The following SEZ6 variants were observed in gnomAD, a reference collection of about 807,000 sequenced individuals.
The protein encoded by SEZ6 is seizure protein 6 homolog.
Under a neutral mutation model 101.0 loss-of-function variants are expected in SEZ6, and 53 were observed. That is an observed-to-expected ratio of 0.52 (90% CI 0.42 to 0.66). The LOEUF is 0.66. SEZ6 is among the 30% of genes least tolerant of loss of function. SEZ6 has a pLI of 0.00. For synonymous variants in SEZ6, 488 were observed against 512.2 expected, an observed-to-expected ratio of 0.95 and a Z score of 0.64; for missense variants, 1,102 against 1,289.4, an observed-to-expected ratio of 0.85 and a Z score of 2.23.
intron 5 of SEZ6, among the ~76,000 whole-genome samples, chr17:28,963,400 A>G (rs1486684479): frequency 2.0e-5 from 3 of 151,962 alleles, no homozygotes; most frequent in Non-Finnish European, 4.4e-5. Context: ...CCCTTCTCAT[A>G]AGCTTCAACA....
At chr17:28,984,777 G>A (rs2041354844) in intron 1 of SEZ6, among the ~76,000 whole-genome samples, 1 of 152,228 alleles carries the variant, frequency 6.6e-6, no homozygotes, top group Admixed American at 6.5e-5. Context: ...TTGGAGGCCT[G>A]AGGCCCTGAG....
chr17:28,981,742 A>G lies in SEZ6; in HGVS notation c.353T>C (p.Val118Ala). 2 of 1,608,138 alleles carry G rather than the reference A, an allele frequency of 1.2e-6. No individual in the cohort carries two copies. Among genetic ancestry groups the G allele is most frequent in the Non-Finnish European group, 1.7e-6 (2 of 1,175,600 alleles). The change falls in exon 2 of 17, where the codon GTC becomes GCC. Residue 118 changes from valine (V) to alanine (A), a missense_variant. Physicochemically the swap from Val to Ala is moderately conservative, Grantham distance 64. Transcript: ENST00000317338. Reference sequence around the variant, plus strand: ...CATGGCTGGAGTGGGGCTGGTAAAGACAGGGCGGCTGTCCTGGTTGGCCAG... The same window carrying G: ...CATGGCTGGAGTGGGGCTGGTAAAGGCAGGGCGGCTGTCCTGGTTGGCCAG... ...PRLANQDSRP[V>A]FTSPTPAMAA...
Position 28,957,740 on chromosome 17 carries a change from T to C in SEZ6, c.2303-201A>G, listed in dbSNP as rs2152683080. On this transcript the variant is annotated intron_variant, in intron 11 of 16. Transcript: ENST00000317338. ...AGGTTCGATAAAAACTGATTGGCCA[T>C]CTACCAGGAATGAAATACTTAGAGT... is the stretch of plus-strand genomic sequence containing the variant. The C allele has an allele frequency of 3.6e-6, 3 of 841,012 alleles. No homozygotes were observed. The East Asian group carries it at 8.1e-5, about 23-fold the overall frequency. 52.1% of individuals were successfully genotyped at this position (841,012 alleles called of 1,614,324 possible).
intron 1 of SEZ6, among the ~76,000 whole-genome samples, chr17:28,983,581 T>C (rs1374125987): frequency 3.3e-5 from 5 of 151,998 alleles, no homozygotes; most frequent in Non-Finnish European, 5.9e-5. Context: ...ACCACATAGC[T>C]GGAGAGATGA....
chr17:28,974,812 G>A (rs139781290), intron 3 of SEZ6, among the ~76,000 whole-genome samples: 300 of 152,310 alleles, frequency 2.0e-3, no homozygotes, highest in Non-Finnish European at 3.5e-3. Flanking sequence ...GACAGGTACC[G>A]GTCTCCGCCT....
chr17:28,993,369 G>T (rs1329379336), intron 1 of SEZ6, among the ~76,000 whole-genome samples: 2 of 152,196 alleles, frequency 1.3e-5, no homozygotes, highest in African/African-American at 2.4e-5. Context: ...CAAGGTGGGG[G>T]TGTGGAGCAA....
chr17:28,994,849 A>G (rs1484131082), intron 1 of SEZ6, among the ~76,000 whole-genome samples: 1 of 150,044 alleles, frequency 6.7e-6, no homozygotes, highest in East Asian at 2.0e-4. Context: ...ATGGTGGGGG[A>G]CTGTGCTCTG....
In SEZ6 at chr17:28,959,009, G is replaced by A. The variant is rs777589451; in HGVS notation, c.2107+16C>T. 6.9e-6 allele frequency: 11 copies of A among 1,602,900 alleles called. No individual in the cohort carries two copies. The highest frequency in any genetic ancestry group is 8.5e-6 in the Non-Finnish European group (10 of 1,173,600). ...GCTTGCTGTCTGCACTCTGAGTGGGGTAGGGACAAGCTCACCAAAGAAGTG... is the reference window on the plus strand; with the variant it reads ...GCTTGCTGTCTGCACTCTGAGTGGGATAGGGACAAGCTCACCAAAGAAGTG... On this transcript the variant is annotated intron_variant, in intron 10 of 16. Transcript: ENST00000317338. This position sits in a 1 kb window ranked among gnomAD's most constrained non-coding sequence, Gnocchi z 4.4.
rs188057150 is a variant in SEZ6 at position 28,970,904 on chromosome 17, C to T, written c.859-952G>A. On this transcript the variant is annotated intron_variant, in intron 3 of 16. Coordinates refer to ENST00000317338, the MANE Select transcript of SEZ6 (RefSeq NM_178860.5). ...AGCTGGGCCTTACACCATGCCCCTCCGCATGTCAATCGTGATTCTCTCTTT... is the reference window on the plus strand; with the variant it reads ...AGCTGGGCCTTACACCATGCCCCTCTGCATGTCAATCGTGATTCTCTCTTT... 4.5e-4 allele frequency among the ~76,000 whole-genome samples: 69 copies of T among 152,312 alleles called. No individual in the cohort carries two copies. In the East Asian group the frequency reaches 0.012, roughly 26 times the overall value.
At chr17:28,969,614 G>A (rs917270458) in intron 4 of SEZ6, 143 bp downstream of exon 4, 2 of 756,706 alleles carry the variant, frequency 2.6e-6, no homozygotes, top group Non-Finnish European at 3.9e-6. Flanking sequence ...CAATTGTCCA[G>A]AGCTTCACTG....
At position 28,955,557 on chromosome 17, in the gene SEZ6, T is replaced by C; in HGVS notation, c.*405A>G. On this transcript the variant is annotated 3_prime_UTR_variant, in exon 17 of 17. Transcript: ENST00000317338. ...GAGTACCCTGGTGCAGTTCCCACCA[T>C]GGTCAAGTTAATCCTGCTGCAGGTT... The C allele has an allele frequency of 2.2e-6, 1 of 457,878 alleles. No homozygotes were observed. The highest frequency in any genetic ancestry group is 2.3e-5 in the Admixed American group (1 of 42,598). 28.4% of individuals were successfully genotyped at this position (457,878 alleles called of 1,614,324 possible).
At chr17:28,960,218 T>G in intron 7 of SEZ6, 1 of 576,762 alleles carries the variant, frequency 1.7e-6, no homozygotes, top group African/African-American at 1.9e-5. Context: ...CTTACAGCAA[T>G]TCTTTCTTAA....
intron 1 of SEZ6, among the ~76,000 whole-genome samples, chr17:28,986,147 G>T (rs3941115): frequency 6.6e-6 from 1 of 152,248 alleles, no homozygotes; most frequent in African/African-American, 2.4e-5. Context: ...ATCGGAGGGA[G>T]CCCTGTTTAA....
At chr17:28,994,049 C>T (rs924202241) in intron 1 of SEZ6, among the ~76,000 whole-genome samples, 1 of 152,190 alleles carries the variant, frequency 6.6e-6, no homozygotes, top group Non-Finnish European at 1.5e-5. Flanking sequence ...GCCCTAAGCC[C>T]AGACCCCTGG....
chr17:28,979,531 A>G, intron 3 of SEZ6, 149 bp downstream of exon 3: 1 of 1,196,812 alleles, frequency 8.4e-7, no homozygotes, highest in Non-Finnish European at 1.2e-6. Flanking sequence ...GAATCTAACC[A>G]TTTAGGCCCA....
intron 2 of SEZ6, 135 bp from the exon 3 acceptor site, chr17:28,979,948 T>C (rs1050882467): frequency 9.9e-7 from 1 of 1,010,312 alleles, no homozygotes; most frequent in Admixed American, 3.1e-5. Context: ...TCTTGTGATG[T>C]CTAGTCTCCT....
At chr17:28,986,057 C>T (rs2041377590) in intron 1 of SEZ6, among the ~76,000 whole-genome samples, 1 of 152,262 alleles carries the variant, frequency 6.6e-6, no homozygotes. Context: ...TTCCCAGCGC[C>T]TGCCGCCCCC....
intron 1 of SEZ6, among the ~76,000 whole-genome samples, chr17:28,994,224 C>T (rs995756312): frequency 3.3e-5 from 5 of 151,856 alleles, no homozygotes; most frequent in Non-Finnish European, 7.4e-5. Context: ...TGGGTTTGCC[C>T]GGCCTCTCTG....
At chr17:28,976,667 G>T (rs1244603367) in intron 3 of SEZ6, among the ~76,000 whole-genome samples, 1 of 152,182 alleles carries the variant, frequency 6.6e-6, no homozygotes, top group Non-Finnish European at 1.5e-5. Flanking sequence ...AGCCTGGGCA[G>T]AAGGACGCTG....
Sources: gnomAD v4.1 joint callset for allele counts (sites outside exome capture counted in the v4.1 genomes callset) on GRCh38, gnomAD v4.1.1 for gene constraint, Gnocchi (gnomAD v3.1) non-coding constraint, MANE v1.5 for transcripts, NCBI Gene and HGNC (gene_info 2026-07-23, HGNC 2026-07-21) for gene names.